Variants in LSAMP observed in about 807,000 individuals in gnomAD.
LSAMP encodes limbic system associated membrane protein.
LSAMP carries 7 observed loss-of-function variants against 38.6 expected under a neutral mutation model. The ratio of observed to expected loss-of-function variants is 0.18; its 90% CI spans 0.10 to 0.34. The LOEUF is 0.34. LSAMP is among the 10% of genes least tolerant of loss of function. LSAMP has a pLI of 1.00. For missense variants in LSAMP, 313 were observed against 420.0 expected, an observed-to-expected ratio of 0.75 and a Z score of 2.23; for synonymous variants, 154 against 166.8, an observed-to-expected ratio of 0.92 and a Z score of 0.59.
chr3:116,232,891 C>T (rs1422617912), intron 1 of LSAMP, among the ~76,000 whole-genome samples: 1 of 151,712 alleles, frequency 6.6e-6, no homozygotes, highest in African/African-American at 2.4e-5. Context: ...AAGGCCCCTA[C>T]CAGTTGCAAG....
chr3:116,345,256 C>A (rs2048050234), intron 1 of LSAMP, among the ~76,000 whole-genome samples: 1 of 152,134 alleles, frequency 6.6e-6, no homozygotes, highest in Admixed American at 6.5e-5. Context: ...CATAACAGAG[C>A]AACTGAGTAT....
At chr3:115,962,736 G>T (rs1938669591) in intron 3 of LSAMP, among the ~76,000 whole-genome samples, 2 of 152,218 alleles carry the variant, frequency 1.3e-5, no homozygotes, top group African/African-American at 4.8e-5. Flanking sequence ...AGAGCATAGT[G>T]ATTTAATTAG....
intron 3 of LSAMP, among the ~76,000 whole-genome samples, chr3:115,872,376 T>A: frequency 6.6e-6 from 1 of 152,142 alleles, no homozygotes; most frequent in Non-Finnish European, 1.5e-5. Flanking sequence ...CTGCCCCATG[T>A]GCCACCCTGC....
At chr3:116,161,018 T>TG (rs1709875006) in intron 1 of LSAMP, among the ~76,000 whole-genome samples, 1 of 152,210 alleles carries the variant, frequency 6.6e-6, no homozygotes, top group Admixed American at 6.5e-5. Flanking sequence ...TCCAGCCACG[T>TG]GGGGCTATGC....
chr3:115,840,357 C>G (rs149115529), intron 6 of LSAMP, among the ~76,000 whole-genome samples: 6 of 152,036 alleles, frequency 3.9e-5, no homozygotes, highest in Non-Finnish European at 8.8e-5. Flanking sequence ...CCGCACCCCC[C>G]CTCTCCCGCT....
At chr3:115,988,635 C>G (rs1218469449) in intron 3 of LSAMP, among the ~76,000 whole-genome samples, 2 of 152,034 alleles carry the variant, frequency 1.3e-5, no homozygotes, top group Non-Finnish European at 2.9e-5. Context: ...GTGGATGTAG[C>G]ATGAACTCTT....
At chr3:115,855,193 G>A (rs34576430) in intron 3 of LSAMP, among the ~76,000 whole-genome samples, 23,595 of 152,172 alleles carry the variant, frequency 0.16, 2,285 homozygotes, top group Middle Eastern at 0.23. Flanking sequence ...ACAGTTGCAG[G>A]AGAGAGAAAG....
At chr3:116,040,672 GTC>G (rs1941149323) in intron 2 of LSAMP, among the ~76,000 whole-genome samples, 2 of 152,220 alleles carry the variant, frequency 1.3e-5, no homozygotes, top group South Asian at 4.1e-4. Flanking sequence ...CCATGGAGGA[GTC>G]TCCCAAGGCA....
intron 3 of LSAMP, among the ~76,000 whole-genome samples, chr3:115,853,196 T>C (rs1935387154): frequency 6.6e-6 from 1 of 152,206 alleles, no homozygotes; most frequent in African/African-American, 2.4e-5. Context: ...GTGGCTTCCT[T>C]TTGAGAAACC....
intron 2 of LSAMP, among the ~76,000 whole-genome samples, chr3:116,054,625 T>G (rs1325709623): frequency 6.6e-6 from 1 of 152,170 alleles, no homozygotes; most frequent in Non-Finnish European, 1.5e-5. Context: ...TTATATTACT[T>G]ATAATCAACA....
chr3:115,846,301 T>TGA (rs1559847991), intron 4 of LSAMP, among the ~76,000 whole-genome samples: 1 of 152,196 alleles, frequency 6.6e-6, no homozygotes, highest in Non-Finnish European at 1.5e-5. Context: ...AAATTCCACG[T>TGA]TCTGAAAATA....
intron 1 of LSAMP, among the ~76,000 whole-genome samples, chr3:116,395,314 A>G (rs536197204): frequency 6.6e-6 from 1 of 152,230 alleles, no homozygotes; most frequent in South Asian, 2.1e-4. Flanking sequence ...AGTAGTTCCC[A>G]CCCTGAGATG....
chr3:116,139,037 C>T (rs900268201), intron 1 of LSAMP, among the ~76,000 whole-genome samples: 1 of 151,608 alleles, frequency 6.6e-6, no homozygotes. Context: ...ATGCACATTA[C>T]ATATGTATAT....
chr3:116,301,314 T>C (rs1227763176), intron 1 of LSAMP, among the ~76,000 whole-genome samples: 6 of 152,134 alleles, frequency 3.9e-5, no homozygotes, highest in Admixed American at 2.0e-4. Flanking sequence ...ACAACCAAAC[T>C]TATTGTTAAT....
chr3:115,994,274 T>C (rs1939754079), intron 3 of LSAMP, among the ~76,000 whole-genome samples: 1 of 151,956 alleles, frequency 6.6e-6, no homozygotes, highest in Non-Finnish European at 1.5e-5. Context: ...ATTTTATGAG[T>C]CTACCACCTG....
chr3:116,104,978 T>C (rs565853781), intron 1 of LSAMP, among the ~76,000 whole-genome samples: 11 of 152,286 alleles, frequency 7.2e-5, no homozygotes, highest in African/African-American at 2.4e-4. Flanking sequence ...GAACTATTGC[T>C]TTGGCACTTT....
intron 4 of LSAMP, among the ~76,000 whole-genome samples, chr3:115,846,559 T>C (rs1935167068): frequency 6.6e-6 from 1 of 152,156 alleles, no homozygotes; most frequent in Admixed American, 6.5e-5. Flanking sequence ...AGGAAGTAAA[T>C]ATGATTAACC....
At chr3:115,839,835 A>G (rs181424897) in intron 6 of LSAMP, among the ~76,000 whole-genome samples, 1 of 152,340 alleles carries the variant, frequency 6.6e-6, no homozygotes, top group Admixed American at 6.5e-5. Context: ...GGGCAGTGTG[A>G]TAGGATACAC....
In LSAMP at chr3:116,410,846, T is replaced by G. The variant is rs538662835; in HGVS notation, c.155+34031A>C. 2.5e-4 allele frequency among the ~76,000 whole-genome samples: 38 copies of G among 152,222 alleles called. 1 individual carries two copies. The South Asian group carries it at 7.2e-3, about 29-fold the overall frequency. Reference sequence around the variant, plus strand: ...CAAAGCATAAGCAGAAAATGTTACATAATGGCTTTTTCACTTTTTCATAGG... The same window carrying G: ...CAAAGCATAAGCAGAAAATGTTACAGAATGGCTTTTTCACTTTTTCATAGG... On this transcript the variant is annotated intron_variant, in intron 1 of 6. Transcript: ENST00000490035.
Sources: gnomAD v4.1 joint callset for allele counts (sites outside exome capture counted in the v4.1 genomes callset) on GRCh38, gnomAD v4.1.1 for gene constraint, MANE v1.5 for transcripts, NCBI Gene and HGNC (gene_info 2026-07-23, HGNC 2026-07-21) for gene names.